RADIL: variants seen among roughly 807,000 people sequenced by gnomAD.
The protein encoded by RADIL is ras-associating and dilute domain-containing protein.
Under a neutral mutation model 97.6 loss-of-function variants are expected in RADIL, and 99 were observed. The observed-to-expected ratio is 1.01, with a 90% confidence interval of 0.86 to 1.20. The LOEUF is 1.20. Ranked by LOEUF, RADIL falls within the 50% of genes most tolerant of loss-of-function variation. RADIL has a pLI of 0.00. For synonymous variants in RADIL, 803 were observed against 691.8 expected (o/e 1.16, Z -2.52); for missense variants, 1,765 against 1,498.9 (o/e 1.18, Z -2.93).
chr7:4,848,184 C>T (rs1004301404), intron 2 of RADIL, among the ~76,000 whole-genome samples: 1 of 146,900 alleles, frequency 6.8e-6, no homozygotes, highest in African/African-American at 2.6e-5. Flanking sequence ...TGGGTGACTG[C>T]ACAGACTGGG....
intron 1 of RADIL, among the ~76,000 whole-genome samples, chr7:4,881,233 A>G (rs1214474370): frequency 1.2e-4 from 18 of 145,842 alleles, no homozygotes; most frequent in African/African-American, 4.4e-4. Context: ...GGCTAACACT[A>G]TGAAACCCTT....
rs1488862425 is a variant in RADIL at position 4,878,790 on chromosome 7, A to G, written c.-64-587T>C. ...CAGCGCCCGTGTGCAGTGAGCATCA[A>G]GGAGCGCCCCACCCGGAGCCGGCCC... On this transcript the variant is annotated intron_variant, in intron 1 of 14. Coordinates refer to ENST00000399583, the MANE Select transcript of RADIL (RefSeq NM_018059.5). The surrounding 1 kb of genome is among the most constrained non-coding windows in gnomAD (Gnocchi z 4.1). Among the ~76,000 whole-genome samples, 3 of 152,234 alleles carry G rather than the reference A, an allele frequency of 2.0e-5. No homozygotes were observed. The highest frequency in any genetic ancestry group is 2.0e-4 in the Admixed American group (3 of 15,284).
rs558978785 is a variant in RADIL, at chr7:4,861,076, G to C, written c.535+16529C>G. On this transcript the variant is annotated intron_variant, in intron 2 of 14. Transcript: ENST00000399583. ...CTAGCATGGCCCAGGAAACACCTCC[G>C]AGGAAACCTAATATATTGGAATAGA... 6.2e-6 allele frequency: 10 copies of C among 1,614,074 alleles called. No homozygotes were observed. The East Asian group carries it at 2.2e-4, about 36-fold the overall frequency.
At chr7:4,810,416 G>A (rs191082771) in intron 9 of RADIL, among the ~76,000 whole-genome samples, 150 of 152,110 alleles carry the variant, frequency 9.9e-4, no homozygotes, top group Middle Eastern at 3.4e-3. Context: ...TGATCCTCCT[G>A]CCTCGGCCTC....
At chr7:4,874,879 G>A (rs1174975016) in intron 2 of RADIL, among the ~76,000 whole-genome samples, 9 of 151,954 alleles carry the variant, frequency 5.9e-5, no homozygotes, top group Non-Finnish European at 1.2e-4. Context: ...CCAACATGGT[G>A]AAACCCCATC....
At chr7:4,825,558 A>G (rs1161480725) in intron 5 of RADIL, among the ~76,000 whole-genome samples, 3 of 152,152 alleles carry the variant, frequency 2.0e-5, no homozygotes, top group African/African-American at 7.2e-5. Flanking sequence ...AGAAAGGAAG[A>G]AAGAAAGAAA....
At chr7:4,802,875 C>A (rs1782154161) in intron 11 of RADIL, among the ~76,000 whole-genome samples, 1 of 109,932 alleles carries the variant, frequency 9.1e-6, no homozygotes, top group African/African-American at 4.1e-5. Flanking sequence ...CACCTCGGGG[C>A]ACTCTGGCTG....
rs1562433475 is a variant in RADIL, at chr7:4,815,190, G to A, written c.2139+88C>T. ...GTTTCCAGCCAAGAAGCCCCGTCCC[G>A]GCCCCCAGGCTTGGTTTGTGAGCCA... is the stretch of plus-strand genomic sequence containing the variant. On this transcript the variant is annotated intron_variant, in intron 9 of 14. Transcript: ENST00000399583. This position sits in a 1 kb window ranked among gnomAD's most constrained non-coding sequence, Gnocchi z 8.0. 1.3e-5 allele frequency: 18 copies of A among 1,409,940 alleles called. No homozygotes were observed. The highest frequency in any genetic ancestry group is 2.9e-5 in the South Asian group (2 of 68,060). The allele number at this position is 1,409,940 out of a possible 1,614,324, so 87.3% of individuals were successfully genotyped here. A position where few individuals can be genotyped will look rare whatever the true frequency, so the allele number is the denominator to read the frequency against.
At position 4,821,495 on chromosome 7, in the gene RADIL, C is replaced by G. The variant is rs1022047367; in HGVS notation, c.1615+899G>C. On this transcript the variant is annotated intron_variant, in intron 6 of 14. Coordinates refer to ENST00000399583, the MANE Select transcript of RADIL (RefSeq NM_018059.5). The surrounding 1 kb of genome is among the most constrained non-coding windows in gnomAD (Gnocchi z 5.2). ...GCCCGGCCCCATGCCACCTTCCTCT[C>G]GAAGCCCCCTAGACTGCCCCGATGG... Among the ~76,000 whole-genome samples the G allele has an allele frequency of 6.6e-6, 1 of 152,192 alleles. No homozygotes were observed. The highest frequency in any genetic ancestry group is 2.1e-4 in the South Asian group (1 of 4,828).
chr7:4,812,436 A>T (rs1782572630), intron 9 of RADIL, among the ~76,000 whole-genome samples: 3 of 150,490 alleles, frequency 2.0e-5, no homozygotes, highest in Admixed American at 6.6e-5. Flanking sequence ...TATTATTATT[A>T]TTTTTGAGAC....
At chr7:4,827,586 A>C (rs182964344) in intron 5 of RADIL, among the ~76,000 whole-genome samples, 2 of 151,898 alleles carry the variant, frequency 1.3e-5, no homozygotes, top group Non-Finnish European at 2.9e-5. Flanking sequence ...GCGTGAACCC[A>C]GGAGGCGGAG....
intron 2 of RADIL, among the ~76,000 whole-genome samples, chr7:4,850,993 G>A (rs1408119782): frequency 6.6e-6 from 1 of 152,154 alleles, no homozygotes; most frequent in Admixed American, 6.5e-5. Context: ...TCCGAGGTCA[G>A]GAGTTCAAGA....
chr7:4,880,286 G>A lies in RADIL; in HGVS notation c.-64-2083C>T, dbSNP rs1784457974. On this transcript the variant is annotated intron_variant, in intron 1 of 14. Coordinates refer to ENST00000399583, the MANE Select transcript of RADIL (RefSeq NM_018059.5). This position sits in a 1 kb window ranked among gnomAD's most constrained non-coding sequence, Gnocchi z 4.5. The stretch of plus-strand genomic sequence containing the variant: ...GAGTGGCCTTGTCAAATCCTAAGAA[G>A]CTCAGAGCCGGCCGCAGCTTCCCCC... Among the ~76,000 whole-genome samples the A allele has an allele frequency of 6.6e-6, 1 of 152,142 alleles. No individual in the cohort carries two copies. The highest frequency in any genetic ancestry group is 6.6e-5 in the Admixed American group (1 of 15,252).
intron 2 of RADIL, chr7:4,858,529 TTA>T (rs1583313008): frequency 6.6e-6 from 1 of 152,582 alleles, no homozygotes; most frequent in African/African-American, 2.4e-5. Context: ...CATGTAAAAT[TTA>T]GAGATGAATT....
rs1356474491 is a variant in RADIL at position 4,877,782 on chromosome 7, CG to C, written c.357del (p.Gly120AlafsTer23). On this transcript the variant is annotated frameshift_variant, in exon 2 of 15. Coordinates refer to ENST00000399583, the MANE Select transcript of RADIL (RefSeq NM_018059.5). LOFTEE classifies it high-confidence loss of function. ...GCCTGCCACCGCTGCCCAGCATCGCCGGCTTGGCCCACCACGTCACACAGCA... is the reference window on the plus strand; with the variant it reads ...GCCTGCCACCGCTGCCCAGCATCGCCGCTTGGCCCACCACGTCACACAGCA... ...QYVLCDVVGQ[A>X]GDAGQRWQAR... 6.2e-7 allele frequency: 1 copy of C among 1,612,180 alleles called. No individual in the cohort carries two copies. Among genetic ancestry groups the C allele is most frequent in the Non-Finnish European group, 8.5e-7 (1 of 1,179,982 alleles).
chr7:4,856,347 C>T (rs553955768), intron 2 of RADIL, among the ~76,000 whole-genome samples: 6 of 151,992 alleles, frequency 3.9e-5, no homozygotes, highest in Admixed American at 6.6e-5. Context: ...TGGTCTCAAG[C>T]GATCCACCCG....
chr7:4,836,289 T>C, intron 3 of RADIL, 69 bp downstream of exon 3: 2 of 1,545,692 alleles, frequency 1.3e-6, no homozygotes, highest in South Asian at 1.2e-5. Context: ...GCGGAGGCCT[T>C]GACTTCTGAG....
rs762543622 is a variant in RADIL, at chr7:4,800,205, G to A, written c.2948C>T (p.Pro983Leu). The A allele has an allele frequency of 3.1e-6, 5 of 1,608,506 alleles. No homozygotes were observed. The highest frequency in any genetic ancestry group is 1.3e-5 in the African/African-American group (1 of 74,630). Residue 983 changes from proline (P) to leucine (L), a missense_variant, in exon 13 of 15, where the codon CCC becomes CTC. By Grantham distance (98) the Pro-to-Leu change is moderately conservative (BLOSUM62 -3). Transcript: ENST00000399583. ...YVFTVELERGPSGLGMGLIDG... is the reference protein window; with the variant it reads ...YVFTVELERGLSGLGMGLIDG... ...GATCAGGCCCATCCCCAGCCCGGAG[G>A]GGCCTCGTTCCAGCTCCACCGTGAA...
intron 13 of RADIL, 45 bp downstream of exon 13, chr7:4,800,126 C>G (rs1583253283): frequency 6.3e-7 from 1 of 1,574,854 alleles, no homozygotes; most frequent in East Asian, 2.3e-5. Context: ...CAGGCGGGGC[C>G]AGGCAGCCAG....
Sources: gnomAD v4.1 joint callset for allele counts (sites outside exome capture counted in the v4.1 genomes callset) on GRCh38, gnomAD v4.1.1 for gene constraint, Gnocchi (gnomAD v3.1) non-coding constraint, MANE v1.5 for transcripts, NCBI Gene and HGNC (gene_info 2026-07-23, HGNC 2026-07-21) for gene names.